AKT2: variants seen among roughly 807,000 people sequenced by gnomAD.
The protein encoded by AKT2 is AKT serine/threonine kinase 2.
Under a neutral mutation model 58.6 loss-of-function variants are expected in AKT2, and 16 were observed. The observed-to-expected ratio is 0.27, with a 90% CI of 0.18 to 0.41. The LOEUF (loss-of-function observed/expected upper bound fraction) is 0.41, where lower values mean the gene tolerates loss of function less well. Among genes scored for constraint, AKT2 ranks in the 10% least tolerant of loss-of-function variants. The pLI is 1.00. For synonymous variants in AKT2, 253 were observed against 254.0 expected, an observed-to-expected ratio of 1.00 and a Z score of 0.04; for missense variants, 438 against 661.0, an observed-to-expected ratio of 0.66 and a Z score of 3.70.
intron 9 of AKT2, 30 bp from the exon 10 acceptor site, chr19:40,236,415 C>T (rs749271582): frequency 9.9e-6 from 16 of 1,613,654 alleles, no homozygotes; most frequent in African/African-American, 1.3e-5. Context: ...ATCTCAGGTG[C>T]ATGCTCCCAA....
chr19:40,257,600 C>CAT (rs1975633323), intron 2 of AKT2, among the ~76,000 whole-genome samples: 1 of 151,638 alleles, frequency 6.6e-6, no homozygotes, highest in South Asian at 2.1e-4. Context: ...CACACACACA[C>CAT]ACACACACAC....
At position 40,230,785 on chromosome 19, in the gene AKT2, A is replaced by G. The variant is rs2145132274; in HGVS notation, c.*3087T>C. 1 of 194,272 alleles carries G rather than the reference A, an allele frequency of 5.1e-6. No homozygotes were observed. Among genetic ancestry groups the G allele is most frequent in the South Asian group, 1.9e-4 (1 of 5,152 alleles). The allele number at this position is 194,272 out of a possible 1,614,324, so 12.0% of individuals were successfully genotyped here. A position where few individuals can be genotyped will look rare whatever the true frequency, so the allele number is the denominator to read the frequency against. ...GGCTGCAGTGCAGTGCCGCAATCAT[A>G]GCTCACTGCAGCCTCAAACTCCTGG... On this transcript the variant is annotated 3_prime_UTR_variant, in exon 14 of 14. Transcript: ENST00000392038.
intron 1 of AKT2, among the ~76,000 whole-genome samples, chr19:40,277,188 C>G (rs2145422749): frequency 6.6e-6 from 1 of 152,324 alleles, no homozygotes; most frequent in East Asian, 1.9e-4. Context: ...CTGAGCCTGT[C>G]AGAGCCATGC....
chr19:40,254,523 G>C (rs895560735), intron 4 of AKT2, among the ~76,000 whole-genome samples: 1 of 145,582 alleles, frequency 6.9e-6, no homozygotes, highest in Admixed American at 6.9e-5. Flanking sequence ...GCAAGACTCT[G>C]TCTCAAAAAA....
Position 40,235,232 on chromosome 19 carries a change from G to T in AKT2, c.1263+31C>A. 1 of 1,613,962 alleles carries T rather than the reference G, an allele frequency of 6.2e-7. No homozygotes were observed. Among genetic ancestry groups the T allele is most frequent in the Non-Finnish European group, 8.5e-7 (1 of 1,179,866 alleles). ...CACCACGAGTGGGCCAGGTCCCTGA[G>T]GGTCCTGCTGGGGCAAGCAGTGGGG... is the stretch of plus-strand genomic sequence containing the variant. On this transcript the variant is annotated intron_variant, in intron 12 of 13. Coordinates refer to ENST00000392038, the MANE Select transcript of AKT2 (RefSeq NM_001626.6). The surrounding 1 kb of genome is among the most constrained non-coding windows in gnomAD (Gnocchi z 6.3).
rs1973741690 is a variant in AKT2, at chr19:40,232,303, T to G, written c.*1569A>C. The G allele has an allele frequency of 4.3e-6, 1 of 233,758 alleles. No homozygotes were observed. Among genetic ancestry groups the G allele is most frequent in the South Asian group, 1.8e-4 (1 of 5,532 alleles). 14.5% of individuals were successfully genotyped at this position (233,758 alleles called of 1,614,324 possible). A position where few individuals can be genotyped will look rare whatever the true frequency, so the allele number is the denominator to read the frequency against. ...TCACCAAGGCAAAGCCCAGAGTGGT[T>G]GGGCTGGCGTGAGTGCAGGCTGGGC... On this transcript the variant is annotated 3_prime_UTR_variant, in exon 14 of 14. Coordinates refer to ENST00000392038, the MANE Select transcript of AKT2 (RefSeq NM_001626.6).
Position 40,242,854 on chromosome 19 carries a change from G to A in AKT2, c.288-167C>T, listed in dbSNP as rs1383654607. On this transcript the variant is annotated intron_variant, in intron 4 of 13. Coordinates refer to ENST00000392038, the MANE Select transcript of AKT2 (RefSeq NM_001626.6). The surrounding 1 kb of genome is among the most constrained non-coding windows in gnomAD (Gnocchi z 4.3). ...GAACCAGAGAGAGCTGAAGGGACCT[G>A]AGTGAAATTCCACGCCAGGCGCAGT... 1 of 754,364 alleles carries A rather than the reference G, an allele frequency of 1.3e-6. No homozygotes were observed. The highest frequency in any genetic ancestry group is 1.7e-5 in the African/African-American group (1 of 57,838). The allele number at this position is 754,364 out of a possible 1,614,324, so 46.7% of individuals were successfully genotyped here.
At position 40,235,115 on chromosome 19, in the gene AKT2, G is replaced by A. The variant is rs56098986; in HGVS notation, c.1296C>T (p.Ser432=). 63 of 1,614,070 alleles carry A rather than the reference G, an allele frequency of 3.9e-5. No individual in the cohort carries two copies. In the East Asian group the frequency reaches 1.0e-3, roughly 27 times the overall value. The part of the protein sequence containing the change: ...LLPPFKPQVT[S]EVDTRYFDDE... ...CATCGAAGTACCTTGTGTCGACCTC[G>A]GACGTGACCTGAGGTTTGAAGGGTG... Residue 432 remains serine, a synonymous_variant, in exon 13 of 14, where the codon TCC becomes TCT. Coordinates refer to ENST00000392038, the MANE Select transcript of AKT2 (RefSeq NM_001626.6). The surrounding 1 kb of genome is among the most constrained non-coding windows in gnomAD (Gnocchi z 6.3).
chr19:40,258,611 G>GTGCC (rs1444437386), intron 2 of AKT2, among the ~76,000 whole-genome samples: 1 of 151,174 alleles, frequency 6.6e-6, no homozygotes, highest in Non-Finnish European at 1.5e-5. Context: ...AGCTATGATG[G>GTGCC]TGCCACTGCA....
intron 1 of AKT2, chr19:40,265,869 T>G (rs1050646580): frequency 1.2e-5 from 2 of 162,238 alleles, no homozygotes; most frequent in Non-Finnish European, 2.7e-5. Context: ...ACCTGCCACC[T>G]TCAACAAACT....
At chr19:40,265,093 T>C in intron 2 of AKT2, 129 bp downstream of exon 2, 1 of 1,377,300 alleles carries the variant, frequency 7.3e-7, no homozygotes, top group South Asian at 1.2e-5. Flanking sequence ...TAAGCAGCTG[T>C]GGGCCTGGGG....
rs563606028 is a variant in AKT2, at chr19:40,242,962, C to T, written c.288-275G>A. 40 of 429,786 alleles carry T rather than the reference C, an allele frequency of 9.3e-5. No individual in the cohort carries two copies. The highest frequency in any genetic ancestry group is 6.2e-4 in the Admixed American group (18 of 28,826). 26.6% of individuals were successfully genotyped at this position (429,786 alleles called of 1,614,324 possible). ...AGGAGTTCGAGACCAGCCTGGCCAA[C>T]ATGGTGAAACCCCGTCTCTACTAAA... On this transcript the variant is annotated intron_variant, in intron 4 of 13. Transcript: ENST00000392038. The surrounding 1 kb of genome is among the most constrained non-coding windows in gnomAD (Gnocchi z 4.3).
In AKT2 at chr19:40,230,970, G is replaced by A. The variant is rs1274146582; in HGVS notation, c.*2902C>T. The A allele has an allele frequency of 3.1e-5, 6 of 194,188 alleles. No individual in the cohort carries two copies. Among genetic ancestry groups the A allele is most frequent in the South Asian group, 3.9e-4 (2 of 5,156 alleles). 12.0% of individuals were successfully genotyped at this position (194,188 alleles called of 1,614,324 possible). On this transcript the variant is annotated 3_prime_UTR_variant, in exon 14 of 14. Transcript: ENST00000392038. ...ACCCCTGGCCTCAAGAGACCCGCCC[G>A]CCTCGGCCTCCCAAATTGCTGGGAT...
intron 2 of AKT2, among the ~76,000 whole-genome samples, chr19:40,262,515 T>C (rs1976037822): frequency 1.3e-5 from 2 of 152,192 alleles, no homozygotes; most frequent in Non-Finnish European, 2.9e-5. Flanking sequence ...GTGTCAGAAG[T>C]GGGACCAGCA....
At chr19:40,269,748 C>G (rs1976585548) in intron 1 of AKT2, among the ~76,000 whole-genome samples, 2 of 152,168 alleles carry the variant, frequency 1.3e-5, no homozygotes, top group South Asian at 4.1e-4. Context: ...GAACACTACT[C>G]AGCAACGAAA....
chr19:40,254,120 T>C (rs1330687001), intron 4 of AKT2, among the ~76,000 whole-genome samples: 1 of 152,128 alleles, frequency 6.6e-6, no homozygotes, highest in Non-Finnish European at 1.5e-5. Context: ...AGACACCTCC[T>C]TATACTGTTT....
chr19:40,280,192 C>T (rs191222606), intron 1 of AKT2, among the ~76,000 whole-genome samples: 2 of 152,338 alleles, frequency 1.3e-5, no homozygotes, highest in East Asian at 1.9e-4. Flanking sequence ...GCAGGGTCAG[C>T]GGGTGCTGTC....
chr19:40,233,846 G>T lies in AKT2; in HGVS notation c.*26C>A. ...CCACCCAGCGGTGATGGCAGCGAGC[G>T]TGCGTCCTCTGCGTGGGCAGACTGC... On this transcript the variant is annotated 3_prime_UTR_variant, in exon 14 of 14. Transcript: ENST00000392038. The surrounding 1 kb of genome is among the most constrained non-coding windows in gnomAD (Gnocchi z 4.3). The T allele has an allele frequency of 1.2e-6, 2 of 1,606,996 alleles. No individual in the cohort carries two copies. The highest frequency in any genetic ancestry group is 1.7e-6 in the Non-Finnish European group (2 of 1,178,916).
intron 6 of AKT2, chr19:40,240,810 G>C: frequency 5.7e-6 from 1 of 174,724 alleles, no homozygotes; most frequent in South Asian, 1.3e-4. Context: ...TTTTTAGCTG[G>C]GGGTCTGGCT....
Sources: gnomAD v4.1 joint callset for allele counts (sites outside exome capture counted in the v4.1 genomes callset) on GRCh38, gnomAD v4.1.1 for gene constraint, Gnocchi (gnomAD v3.1) non-coding constraint, MANE v1.5 for transcripts, NCBI Gene and HGNC (gene_info 2026-07-23, HGNC 2026-07-21) for gene names.